Variants in HS6ST3 observed in about 807,000 individuals in gnomAD.
HS6ST3 encodes heparan sulfate 6-O-sulfotransferase 3, also known as heparan-sulfate 6-O-sulfotransferase 3.
HS6ST3 carries 12 observed loss-of-function variants against 36.7 expected under a neutral mutation model. The observed-to-expected ratio is 0.33, with a 90% CI of 0.21 to 0.53. The LOEUF (loss-of-function observed/expected upper bound fraction) is 0.53, where lower values mean the gene tolerates loss of function less well. Among genes scored for constraint, HS6ST3 ranks in the 20% least tolerant of loss-of-function variants. The pLI, the probability that HS6ST3 is intolerant of heterozygous loss-of-function variation, is 0.95. For synonymous variants in HS6ST3, 240 were observed against 257.5 expected (o/e 0.93, Z 0.65); for missense variants, 584 against 640.9 (o/e 0.91, Z 0.96).
At chr13:96,600,216 A>G (rs2056416395) in intron 1 of HS6ST3, among the ~76,000 whole-genome samples, 1 of 151,680 alleles carries the variant, frequency 6.6e-6, no homozygotes, top group Non-Finnish European at 1.5e-5. Context: ...CTGTCAGTAG[A>G]GTGTCTAATG....
At chr13:96,097,559 A>G (rs1594674943) in intron 1 of HS6ST3, among the ~76,000 whole-genome samples, 1 of 152,164 alleles carries the variant, frequency 6.6e-6, no homozygotes, top group African/African-American at 2.4e-5. Context: ...GATATCATTT[A>G]TAAATTCCCT....
At chr13:96,800,237 A>G (rs1878034936) in intron 1 of HS6ST3, among the ~76,000 whole-genome samples, 1 of 151,068 alleles carries the variant, frequency 6.6e-6, no homozygotes, top group Non-Finnish European at 1.5e-5. Flanking sequence ...CTTGCTCAAT[A>G]TTATGTGTTA....
chr13:96,636,384 A>G (rs1409431181), intron 1 of HS6ST3, among the ~76,000 whole-genome samples: 1 of 152,188 alleles, frequency 6.6e-6, no homozygotes, highest in Non-Finnish European at 1.5e-5. Flanking sequence ...TTATATCTGC[A>G]CTTCATACCT....
chr13:96,527,893 AT>A (rs2056120367), intron 1 of HS6ST3, among the ~76,000 whole-genome samples: 2 of 152,090 alleles, frequency 1.3e-5, no homozygotes, highest in African/African-American at 4.8e-5. Context: ...GGTCAAAGCT[AT>A]TTTAGTGTGT....
chr13:96,116,161 C>T (rs760314737), intron 1 of HS6ST3, among the ~76,000 whole-genome samples: 5 of 152,122 alleles, frequency 3.3e-5, no homozygotes, highest in African/African-American at 1.2e-4. Flanking sequence ...GGTCAGCTTC[C>T]GGGAACTCGG....
intron 1 of HS6ST3, among the ~76,000 whole-genome samples, chr13:96,331,376 G>A (rs920854793): frequency 6.6e-5 from 10 of 151,928 alleles, no homozygotes; most frequent in African/African-American, 2.4e-4. Context: ...TGTCCTTTCT[G>A]TTTGTTAGTT....
chr13:96,724,399 G>A (rs184664847), intron 1 of HS6ST3, among the ~76,000 whole-genome samples: 35 of 152,220 alleles, frequency 2.3e-4, no homozygotes, highest in African/African-American at 7.0e-4. Context: ...TTTTTAAAAT[G>A]TACAATTTCA....
At chr13:96,364,535 A>G (rs1421002788) in intron 1 of HS6ST3, among the ~76,000 whole-genome samples, 1 of 152,176 alleles carries the variant, frequency 6.6e-6, no homozygotes, top group African/African-American at 2.4e-5. Context: ...TGATTCCACT[A>G]TTATGAGGTA....
chr13:96,126,849 C>T (rs1439030489), intron 1 of HS6ST3, among the ~76,000 whole-genome samples: 1 of 152,084 alleles, frequency 6.6e-6, no homozygotes, highest in Non-Finnish European at 1.5e-5. Context: ...GCCTCTATGC[C>T]TTCAGTTTTT....
chr13:96,284,638 C>CA (rs1331760567), intron 1 of HS6ST3, among the ~76,000 whole-genome samples: 4 of 152,174 alleles, frequency 2.6e-5, no homozygotes, highest in African/African-American at 7.2e-5. Context: ...CTCACAGACA[C>CA]ACCCAGGAAC....
intron 1 of HS6ST3, among the ~76,000 whole-genome samples, chr13:96,635,961 C>A (rs2056548213): frequency 6.6e-6 from 1 of 152,174 alleles, no homozygotes; most frequent in Non-Finnish European, 1.5e-5. Context: ...TTCTACTCCT[C>A]AAATAATGTA....
chr13:96,755,553 C>A (rs1370619097), intron 1 of HS6ST3, among the ~76,000 whole-genome samples: 1 of 151,954 alleles, frequency 6.6e-6, no homozygotes, highest in Non-Finnish European at 1.5e-5. Context: ...TTAGTAGAGA[C>A]AGGGTTTCAC....
chr13:96,244,232 A>G lies in HS6ST3; in HGVS notation c.707+152663A>G, dbSNP rs143853511. Among the ~76,000 whole-genome samples, 71 of 152,340 alleles carry G rather than the reference A, an allele frequency of 4.7e-4. No individual in the cohort carries two copies. The East Asian group carries it at 0.013, about 29-fold the overall frequency. On this transcript the variant is annotated intron_variant, in intron 1 of 1. Transcript: ENST00000376705. Reference sequence around the variant, plus strand: ...CCATTGTGAATACAATATGAATTCAATAGTGCAAATTCTTGAACTGCAACT... The same window carrying G: ...CCATTGTGAATACAATATGAATTCAGTAGTGCAAATTCTTGAACTGCAACT...
intron 1 of HS6ST3, among the ~76,000 whole-genome samples, chr13:96,810,164 G>A (rs191320564): frequency 1.3e-5 from 2 of 152,342 alleles, no homozygotes; most frequent in East Asian, 3.9e-4. Flanking sequence ...CTCCCGGGCA[G>A]CCTGACAGAA....
At position 96,304,711 on chromosome 13, in the gene HS6ST3, C is replaced by CT. The variant is rs61314597; in HGVS notation, c.707+213162dup. ...TCTTTCTTTCTTTCTTTCTTTCTTT[C>CT]TTTTTTTTTTTTTTTTTTTTACAGA... On this transcript the variant is annotated intron_variant, in intron 1 of 1. Coordinates refer to ENST00000376705, the MANE Select transcript of HS6ST3 (RefSeq NM_153456.4). Among the ~76,000 whole-genome samples, 135 of 89,322 alleles carry CT rather than the reference C, an allele frequency of 1.5e-3. 3 individuals carry two copies. The highest frequency in any genetic ancestry group is 3.7e-3 in the East Asian group (12 of 3,222). The allele number at this position is 89,322 out of a possible 152,430, so 58.6% of individuals were successfully genotyped here. A position where few individuals can be genotyped will look rare whatever the true frequency, so the allele number is the denominator to read the frequency against.
intron 1 of HS6ST3, among the ~76,000 whole-genome samples, chr13:96,704,426 C>T (rs1165331508): frequency 6.6e-6 from 1 of 152,098 alleles, no homozygotes; most frequent in Non-Finnish European, 1.5e-5. Flanking sequence ...TAAGATCAGT[C>T]AAATTGATGT....
rs570189603 is a variant in HS6ST3 at position 96,194,768 on chromosome 13, C to T, written c.707+103199C>T. 8.5e-5 allele frequency among the ~76,000 whole-genome samples: 13 copies of T among 152,118 alleles called. 1 individual carries two copies. Among genetic ancestry groups the T allele is most frequent in the African/African-American group, 2.9e-4 (12 of 41,472 alleles). On this transcript the variant is annotated intron_variant, in intron 1 of 1. Transcript: ENST00000376705. ...ACCTCCCCCACAAGCCCCCGCCATCCATTTCACTCACCCCCAAGCCTCTGG... is the reference window on the plus strand; with the variant it reads ...ACCTCCCCCACAAGCCCCCGCCATCTATTTCACTCACCCCCAAGCCTCTGG...
chr13:96,301,860 C>G (rs1566316806), intron 1 of HS6ST3, among the ~76,000 whole-genome samples: 2 of 149,396 alleles, frequency 1.3e-5, no homozygotes. Context: ...GAAATTGCAC[C>G]ACTGCATTCC....
rs1422645982 is a variant in HS6ST3, at chr13:96,838,960, A to C, written c.*5762A>C. ...CTCCAGATTGAGAACGCAGATGGAC[A>C]GGTGTCTCTTGAGCCTGTGTTCCAA... is the stretch of plus-strand genomic sequence containing the variant. On this transcript the variant is annotated 3_prime_UTR_variant, in exon 2 of 2. Transcript: ENST00000376705. 3.3e-5 allele frequency: 5 copies of C among 152,362 alleles called. No homozygotes were observed. The highest frequency in any genetic ancestry group is 1.3e-4 in the Admixed American group (2 of 15,308). The allele number at this position is 152,362 out of a possible 1,614,324, so 9.4% of individuals were successfully genotyped here.
Sources: allele counts gnomAD v4.1 joint callset (sites outside exome capture counted in the v4.1 genomes callset), GRCh38; gene constraint gnomAD v4.1.1; transcripts MANE v1.5; gene names NCBI Gene and HGNC (gene_info 2026-07-23, HGNC 2026-07-21).